The following FAM20B variants were observed in gnomAD, a reference collection of about 807,000 sequenced individuals.
The protein encoded by FAM20B is FAM20B glycosaminoglycan xylosylkinase, also known as glycosaminoglycan xylosylkinase.
FAM20B carries 23 observed loss-of-function variants against 43.8 expected under a neutral mutation model. The ratio of observed to expected loss-of-function variants is 0.53; its 90% CI spans 0.38 to 0.74. The LOEUF (loss-of-function observed/expected upper bound fraction) is 0.74, where lower values mean the gene tolerates loss of function less well. Among genes scored for constraint, FAM20B ranks in the 30% least tolerant of loss-of-function variants. FAM20B has a pLI of 0.00. For synonymous variants in FAM20B, 178 were observed against 192.4 expected, an observed-to-expected ratio of 0.93 and a Z score of 0.62; for missense variants, 440 against 510.5, an observed-to-expected ratio of 0.86 and a Z score of 1.33.
intron 7 of FAM20B, among the ~76,000 whole-genome samples, chr1:179,071,619 A>T (rs1651927544): frequency 6.6e-6 from 1 of 152,210 alleles, no homozygotes; most frequent in South Asian, 2.1e-4. Flanking sequence ...ACCATAATTT[A>T]ACTATTTCCC....
At chr1:179,038,976 C>T (rs1553203597) in intron 1 of FAM20B, among the ~76,000 whole-genome samples, 1 of 152,212 alleles carries the variant, frequency 6.6e-6, no homozygotes, top group Non-Finnish European at 1.5e-5. Flanking sequence ...AAGTGTTGCC[C>T]TCAGAATACA....
intron 1 of FAM20B, among the ~76,000 whole-genome samples, chr1:179,030,850 C>A (rs1028722882): frequency 1.3e-5 from 2 of 149,838 alleles, no homozygotes; most frequent in African/African-American, 2.5e-5. Flanking sequence ...CCTCAAAAAA[C>A]ACAATATATT....
intron 6 of FAM20B, 32 bp downstream of exon 6, chr1:179,064,528 G>A (rs761400995): frequency 6.4e-7 from 1 of 1,564,552 alleles, no homozygotes; most frequent in Admixed American, 1.7e-5. Context: ...TTGTCAGGGA[G>A]GGGTTTCTGT....
chr1:179,018,651 TA>T, the FAM20B span, among the ~76,000 whole-genome samples: 2 of 152,146 alleles, frequency 1.3e-5, no homozygotes, highest in African/African-American at 2.4e-5. Flanking sequence ...AATGTTGTAG[TA>T]AAAATATGTA....
intron 4 of FAM20B, among the ~76,000 whole-genome samples, chr1:179,059,691 G>A (rs1210601789): frequency 6.6e-6 from 1 of 152,128 alleles, no homozygotes; most frequent in Non-Finnish European, 1.5e-5. Flanking sequence ...GGAAATTCAG[G>A]CCAGGTGCGG....
At chr1:179,019,530 T>C in the FAM20B span, among the ~76,000 whole-genome samples, 1 of 151,844 alleles carries the variant, frequency 6.6e-6, no homozygotes, top group East Asian at 1.9e-4. Context: ...TGGCACGATC[T>C]TGGCTCACCG....
intron 1 of FAM20B, among the ~76,000 whole-genome samples, chr1:179,030,148 G>T (rs1214946575): frequency 2.6e-5 from 4 of 152,114 alleles, no homozygotes; most frequent in Non-Finnish European, 2.9e-5. Context: ...GCTTAGTTAT[G>T]TTCTACCTGC....
intron 1 of FAM20B, chr1:179,035,458 T>G (rs975342783): frequency 4.2e-6 from 3 of 706,656 alleles, no homozygotes; most frequent in Non-Finnish European, 7.8e-6. Context: ...CACAAACAGC[T>G]TGGGAAGCAC....
chr1:179,023,431 T>C (rs900049630), upstream of FAM20B, among the ~76,000 whole-genome samples: 8 of 152,124 alleles, frequency 5.3e-5, no homozygotes, highest in Non-Finnish European at 1.0e-4. Context: ...GAACCATACA[T>C]CGTATGAGTG....
intron 1 of FAM20B, among the ~76,000 whole-genome samples, chr1:179,040,968 T>G: frequency 7.2e-6 from 1 of 138,756 alleles, no homozygotes; most frequent in Admixed American, 7.0e-5. Flanking sequence ...GCTCCTCACA[T>G]CCCAGACGGG....
At position 179,064,204 on chromosome 1, in the gene FAM20B, G is replaced by A. The variant is rs1651596377; in HGVS notation, c.747-101G>A. The A allele has an allele frequency of 3.5e-6, 5 of 1,417,442 alleles. No homozygotes were observed. In the Admixed American group the frequency reaches 6.0e-5, roughly 17 times the overall value. The allele number at this position is 1,417,442 out of a possible 1,614,324, so 87.8% of individuals were successfully genotyped here. ...GTCCAAGAGTGAAAAGAACTGTGGA[G>A]TCAGGGGCAAACCGGTAGGTAGGAA... On this transcript the variant is annotated intron_variant, in intron 5 of 7. Transcript: ENST00000263733.
Position 179,073,475 on chromosome 1 carries a change from C to T in FAM20B, c.*1331C>T, listed in dbSNP as rs1557882368. On this transcript the variant is annotated 3_prime_UTR_variant, in exon 8 of 8. Transcript: ENST00000263733. ...GGATTACAGGCGCCCGCCATCGTGC[C>T]CAGCTAATTTTTATATTTTTAGTGG... 6.6e-6 allele frequency: 1 copy of T among 152,120 alleles called. No homozygotes were observed. The highest frequency in any genetic ancestry group is 1.5e-5 in the Non-Finnish European group (1 of 68,050). The allele number at this position is 152,120 out of a possible 1,614,324, so 9.4% of individuals were successfully genotyped here. A position where few individuals can be genotyped will look rare whatever the true frequency, so the allele number is the denominator to read the frequency against.
rs773436432 is a variant in FAM20B at position 179,072,109 on chromosome 1, C to G, written c.1195C>G (p.Leu399Val). The G allele has an allele frequency of 1.1e-5, 18 of 1,613,998 alleles. No homozygotes were observed. The highest frequency in any genetic ancestry group is 1.4e-5 in the Non-Finnish European group (16 of 1,179,914). The change falls in exon 8 of 8, where the codon CTG becomes GTG. Residue 399 changes from leucine (L) to valine (V), a missense_variant. Coordinates refer to ENST00000263733, the MANE Select transcript of FAM20B (RefSeq NM_014864.4). The part of the protein sequence containing the change: ...CTDQFGMDTV[L>V]VEDRMPLSHL ...CGACCAGTTTGGGATGGACACAGTACTGGTGGAAGACAGGATGCCTCTCTC... is the reference window on the plus strand; with the variant it reads ...CGACCAGTTTGGGATGGACACAGTAGTGGTGGAAGACAGGATGCCTCTCTC...
intron 2 of FAM20B, among the ~76,000 whole-genome samples, chr1:179,045,917 A>G (rs746569283): frequency 3.6e-4 from 55 of 152,008 alleles, no homozygotes; most frequent in Middle Eastern, 3.4e-3. Context: ...AAAAACAAAA[A>G]AAAACCGTGG....
chr1:179,020,396 A>G, the FAM20B span, among the ~76,000 whole-genome samples: 22 of 152,346 alleles, frequency 1.4e-4, no homozygotes, highest in East Asian at 3.9e-3. Flanking sequence ...CTGGACCAAC[A>G]GGGCACTGGC....
chr1:179,052,219 A>G (rs1307705472), intron 3 of FAM20B, among the ~76,000 whole-genome samples: 1 of 151,122 alleles, frequency 6.6e-6, no homozygotes, highest in Non-Finnish European at 1.5e-5. Context: ...TTATACAAAC[A>G]TATGTATGTT....
At chr1:179,043,099 A>G (rs1209161109) in intron 1 of FAM20B, among the ~76,000 whole-genome samples, 2 of 152,086 alleles carry the variant, frequency 1.3e-5, no homozygotes, top group Non-Finnish European at 2.9e-5. Context: ...ACAGTGCCCA[A>G]GCTGTTTGTA....
At position 179,074,290 on chromosome 1, in the gene FAM20B, A is replaced by G. The variant is rs905185135; in HGVS notation, c.*2146A>G. 3 of 152,646 alleles carry G rather than the reference A, an allele frequency of 2.0e-5. No individual in the cohort carries two copies. The highest frequency in any genetic ancestry group is 4.4e-5 in the Non-Finnish European group (3 of 68,034). The allele number at this position is 152,646 out of a possible 1,614,324, so 9.5% of individuals were successfully genotyped here. ...AGGCATTGATTTCAGTTTTAAGGCTACTCAGTGTTGTGTGTCCAGGGAAAT... is the reference window on the plus strand; with the variant it reads ...AGGCATTGATTTCAGTTTTAAGGCTGCTCAGTGTTGTGTGTCCAGGGAAAT... On this transcript the variant is annotated 3_prime_UTR_variant, in exon 8 of 8. Transcript: ENST00000263733.
chr1:179,041,073 C>T (rs1053891904), intron 1 of FAM20B, among the ~76,000 whole-genome samples: 2 of 145,430 alleles, frequency 1.4e-5, no homozygotes, highest in Admixed American at 6.7e-5. Context: ...CGGGAAGAGG[C>T]GCCTCCTCAC....
Sources: allele counts gnomAD v4.1 joint callset (sites outside exome capture counted in the v4.1 genomes callset), GRCh38; gene constraint gnomAD v4.1.1; transcripts MANE v1.5; gene names NCBI Gene and HGNC (gene_info 2026-07-23, HGNC 2026-07-21).